ANKRD11: variants seen among roughly 807,000 people sequenced by gnomAD.
The protein encoded by ANKRD11 is ankyrin repeat domain 11.
Under a neutral mutation model 195.7 loss-of-function variants are expected in ANKRD11, and 17 were observed. The observed-to-expected ratio is 0.09, with a 90% CI of 0.06 to 0.13. ANKRD11 has a LOEUF of 0.13. Ranked by LOEUF, ANKRD11 falls within the 10% of genes least tolerant of loss-of-function variation. ANKRD11 has a pLI of 1.00. For synonymous variants in ANKRD11, 1,953 were observed against 1,528.1 expected (o/e 1.28, Z -6.49); for missense variants, 3,735 against 3,566.1 (o/e 1.05, Z -1.21).
At chr16:89,449,566 G>C (rs1168142826) in intron 1 of ANKRD11, among the ~76,000 whole-genome samples, 2 of 152,110 alleles carry the variant, frequency 1.3e-5, no homozygotes, top group African/African-American at 4.8e-5. Flanking sequence ...GGCCGAGGCA[G>C]GCAGATCACC....
intron 2 of ANKRD11, chr16:89,320,241 C>A (rs548161861): frequency 6.6e-6 from 1 of 152,234 alleles, no homozygotes; most frequent in Non-Finnish European, 1.5e-5. Context: ...TGCTGCACAG[C>A]CGACCACACA....
chr16:89,286,205 C>T lies in ANKRD11; in HGVS notation c.745-19G>A, dbSNP rs558094159. ...TCACCACCTACAAGACAGTAACACC[C>T]GCGTCAGGGACTGCTGGAGAAGCAC... On this transcript the variant is annotated intron_variant, in intron 7 of 12. Transcript: ENST00000301030. The T allele has an allele frequency of 2.3e-4, 375 of 1,611,502 alleles. 8 individuals carry two copies. The South Asian group carries it at 3.2e-3, about 14-fold the overall frequency.
At chr16:89,376,433 C>CT (rs755575470) in intron 2 of ANKRD11, among the ~76,000 whole-genome samples, 7 of 152,130 alleles carry the variant, frequency 4.6e-5, no homozygotes, top group Non-Finnish European at 1.0e-4. Flanking sequence ...TGTGCCTGAA[C>CT]AGGGTTTTGT....
intron 2 of ANKRD11, among the ~76,000 whole-genome samples, chr16:89,365,751 T>A (rs1236167964): frequency 6.6e-6 from 1 of 152,152 alleles, no homozygotes; most frequent in Non-Finnish European, 1.5e-5. Flanking sequence ...GGTTGCAGGT[T>A]TGTTACGTAG....
intron 2 of ANKRD11, among the ~76,000 whole-genome samples, chr16:89,339,362 A>G (rs1272758685): frequency 2.1e-5 from 3 of 145,556 alleles, no homozygotes; most frequent in Non-Finnish European, 4.5e-5. Context: ...CTAGCAAACA[A>G]ACAAACAAAC....
At chr16:89,313,886 T>C (rs773462473) in intron 3 of ANKRD11, among the ~76,000 whole-genome samples, 15 of 152,230 alleles carry the variant, frequency 9.9e-5, no homozygotes, top group Non-Finnish European at 1.6e-4. Flanking sequence ...AAAATTTGTC[T>C]GCCTCCATGA....
intron 4 of ANKRD11, among the ~76,000 whole-genome samples, chr16:89,303,750 G>A (rs2035988269): frequency 2.0e-5 from 3 of 152,324 alleles, no homozygotes; most frequent in South Asian, 2.1e-4. Context: ...ACAGGCCTGC[G>A]GCAGCCACAC....
intron 2 of ANKRD11, among the ~76,000 whole-genome samples, chr16:89,331,931 G>T (rs867681992): frequency 2.6e-5 from 4 of 152,116 alleles, no homozygotes; most frequent in African/African-American, 9.7e-5. Flanking sequence ...GCTGGGAACC[G>T]TCATCACCAC....
At chr16:89,455,950 G>T (rs1048068186) in intron 1 of ANKRD11, among the ~76,000 whole-genome samples, 2 of 152,104 alleles carry the variant, frequency 1.3e-5, no homozygotes, top group Non-Finnish European at 2.9e-5. Context: ...CAGAAAGGTG[G>T]AAACAGGTAG....
chr16:89,392,770 T>C (rs2041255275), intron 2 of ANKRD11: 1 of 148,904 alleles, frequency 6.7e-6, no homozygotes, highest in African/African-American at 2.5e-5. Flanking sequence ...TTAAGCAAAC[T>C]CGTGGATAGG....
chr16:89,279,790 A>G lies in ANKRD11; in HGVS notation c.6752T>C (p.Leu2251Pro), dbSNP rs1015762202. The G allele has an allele frequency of 6.5e-7, 1 of 1,536,350 alleles. No homozygotes were observed. The highest frequency in any genetic ancestry group is 1.4e-5 in the African/African-American group (1 of 73,036). Reference sequence around the variant, plus strand: ...CTCAGCCCCCTGGTCTCCGCTCCCCAGTGGGCGCTGTTCTGGGGGAACGGG... The same window carrying G: ...CTCAGCCCCCTGGTCTCCGCTCCCCGGTGGGCGCTGTTCTGGGGGAACGGG... ...PAPVPPEQRP[L>P]GSGDQGAEAE... Residue 2251 changes from leucine to proline, a missense_variant, in exon 9 of 13, where the codon CTG becomes CCG. Transcript: ENST00000301030. The surrounding 1 kb of genome is among the most constrained non-coding windows in gnomAD (Gnocchi z 5.6).
chr16:89,300,005 G>C, intron 4 of ANKRD11: 1 of 179,338 alleles, frequency 5.6e-6, no homozygotes, highest in Non-Finnish European at 1.1e-5. Context: ...TGCCCTGTGT[G>C]GGGTGCCTGC....
At position 89,323,956 on chromosome 16, in the gene ANKRD11, C is replaced by T. The variant is rs936703645; in HGVS notation, c.-59-6878G>A. 13 of 219,704 alleles carry T rather than the reference C, an allele frequency of 5.9e-5. No individual in the cohort carries two copies. In the East Asian group the frequency reaches 1.0e-3, roughly 18 times the overall value. 13.6% of individuals were successfully genotyped at this position (219,704 alleles called of 1,614,324 possible). A position where few individuals can be genotyped will look rare whatever the true frequency, so the allele number is the denominator to read the frequency against. The stretch of plus-strand genomic sequence containing the variant: ...TTTGCTACGGTTTGAATGTTTGTGT[C>T]GGCCCCTCCCCTGCACCCCAAAATT... On this transcript the variant is annotated intron_variant, in intron 2 of 12. Coordinates refer to ENST00000301030, the MANE Select transcript of ANKRD11 (RefSeq NM_013275.6).
chr16:89,287,192 CGGCCCTCCT>C, intron 7 of ANKRD11: 1 of 1,020,132 alleles, frequency 9.8e-7, no homozygotes, highest in Non-Finnish European at 1.3e-6. Flanking sequence ...CCACACTCCT[CGGCCCTCCT>C]CTAAGGCCAG....
intron 1 of ANKRD11, among the ~76,000 whole-genome samples, chr16:89,425,192 CATT>C (rs2042668947): frequency 6.6e-6 from 1 of 152,026 alleles, no homozygotes. Context: ...GAGTAGGTAT[CATT>C]ATTATCTCCC....
intron 1 of ANKRD11, among the ~76,000 whole-genome samples, chr16:89,482,526 A>AAAGGGAGCC (rs1472081682): frequency 1.3e-5 from 2 of 152,226 alleles, no homozygotes; most frequent in African/African-American, 2.4e-5. Context: ...GAACCTGTGA[A>AAAGGGAGCC]TGCCTTAGGT....
chr16:89,489,763 G>A (rs1247865562), intron 1 of ANKRD11, among the ~76,000 whole-genome samples: 4 of 135,116 alleles, frequency 3.0e-5, no homozygotes, highest in Admixed American at 7.3e-5. Flanking sequence ...GCCCCTCACG[G>A]CCGCTCCGAG....
intron 2 of ANKRD11, among the ~76,000 whole-genome samples, chr16:89,406,508 C>T (rs569654685): frequency 7.2e-5 from 11 of 152,302 alleles, no homozygotes; most frequent in African/African-American, 2.6e-4. Context: ...GTTCGTTGGC[C>T]ATGCCCGGTG....
intron 9 of ANKRD11, chr16:89,277,645 C>T (rs1304608450): frequency 1.3e-5 from 2 of 152,312 alleles, no homozygotes; most frequent in South Asian, 2.1e-4. Flanking sequence ...TGAGCCTCCC[C>T]GGGGACGGCT....
Sources: allele counts gnomAD v4.1 joint callset (sites outside exome capture counted in the v4.1 genomes callset), GRCh38; gene constraint gnomAD v4.1.1; non-coding constraint Gnocchi (gnomAD v3.1); transcripts MANE v1.5; gene names NCBI Gene and HGNC (gene_info 2026-07-23, HGNC 2026-07-21).